Variants in CAMK2D observed in about 807,000 individuals in gnomAD.
CAMK2D encodes the protein calcium/calmodulin dependent protein kinase II delta.
A neutral mutation model predicts 84.0 loss-of-function variants in CAMK2D; 37 were observed. The observed-to-expected ratio is 0.44, with a 90% CI of 0.34 to 0.58. The LOEUF (loss-of-function observed/expected upper bound fraction) is 0.58, where lower values mean the gene tolerates loss of function less well. Ranked by LOEUF, CAMK2D falls within the 20% of genes least tolerant of loss-of-function variation. The pLI is 0.02. For missense variants in CAMK2D, 448 were observed against 652.5 expected, an observed-to-expected ratio of 0.69 and a Z score of 3.41; for synonymous variants, 202 against 212.5, an observed-to-expected ratio of 0.95 and a Z score of 0.43.
At chr4:113,489,328 C>T (rs2097797538) in intron 16 of CAMK2D, among the ~76,000 whole-genome samples, 1 of 140,304 alleles carries the variant, frequency 7.1e-6, no homozygotes, top group Admixed American at 7.6e-5. Context: ...TGTGATAGTC[C>T]CCTTCCTGTG....
chr4:113,549,425 T>G lies in CAMK2D; in HGVS notation c.342-1709A>C, dbSNP rs559698727. Among the ~76,000 whole-genome samples, 5 of 151,716 alleles carry G rather than the reference T, an allele frequency of 3.3e-5. No individual in the cohort carries two copies. In the South Asian group the frequency reaches 6.2e-4, roughly 19 times the overall value. On this transcript the variant is annotated intron_variant, in intron 5 of 20. Transcript: ENST00000511664. ...ACAAATTTACAATCCCCTGGAGCAT[T>G]GGTAATTATTAAACCCACTTCCATA... is the stretch of plus-strand genomic sequence containing the variant.
intron 6 of CAMK2D, among the ~76,000 whole-genome samples, chr4:113,538,390 G>A (rs905377697): frequency 1.6e-4 from 25 of 152,160 alleles, no homozygotes; most frequent in South Asian, 2.1e-4. Context: ...TCAGGAAAAG[G>A]AGACTGATTA....
intron 4 of CAMK2D, among the ~76,000 whole-genome samples, chr4:113,581,534 GA>G (rs1403140562): frequency 8.7e-6 from 1 of 115,386 alleles, no homozygotes; most frequent in Non-Finnish European, 1.8e-5. Flanking sequence ...AAAAAAAAAA[GA>G]AAAGAAAAGA....
intron 2 of CAMK2D, among the ~76,000 whole-genome samples, chr4:113,751,169 AG>A (rs1474302228): frequency 6.6e-6 from 1 of 152,210 alleles, no homozygotes; most frequent in Non-Finnish European, 1.5e-5. Flanking sequence ...TGCCATTCAC[AG>A]AGGGGGAAAG....
chr4:113,474,800 C>A (rs2097585878), intron 16 of CAMK2D, among the ~76,000 whole-genome samples: 1 of 152,024 alleles, frequency 6.6e-6, no homozygotes, highest in African/African-American at 2.4e-5. Flanking sequence ...GTGCCTGCCA[C>A]CACACCCAGC....
intron 2 of CAMK2D, among the ~76,000 whole-genome samples, chr4:113,683,676 A>G (rs2099351928): frequency 6.6e-6 from 1 of 152,236 alleles, no homozygotes; most frequent in Non-Finnish European, 1.5e-5. Flanking sequence ...AACATCACAG[A>G]GTCAGAAAAC....
intron 2 of CAMK2D, among the ~76,000 whole-genome samples, chr4:113,712,909 C>T (rs963216440): frequency 4.6e-5 from 7 of 151,896 alleles, no homozygotes; most frequent in African/African-American, 1.7e-4. Flanking sequence ...TTTAGTCTTT[C>T]ACTATACATG....
At chr4:113,645,047 C>G (rs28641059) in intron 3 of CAMK2D, among the ~76,000 whole-genome samples, 16,912 of 152,098 alleles carry the variant, frequency 0.11, 1,236 homozygotes, top group East Asian at 0.21. Flanking sequence ...GACGGACTCT[C>G]GCTCTGTCGC....
chr4:113,557,479 C>T (rs546492876), intron 4 of CAMK2D, among the ~76,000 whole-genome samples: 1 of 152,308 alleles, frequency 6.6e-6, no homozygotes, highest in Non-Finnish European at 1.5e-5. Flanking sequence ...TGTCTCTCTT[C>T]CGGGAATTCC....
rs1399867833 is a variant in CAMK2D at position 113,720,758 on chromosome 4, C to A, written c.160+38562G>T. Among the ~76,000 whole-genome samples the A allele has an allele frequency of 2.0e-5, 3 of 151,836 alleles. No individual in the cohort carries two copies. In the East Asian group the frequency reaches 5.8e-4, roughly 29 times the overall value. On this transcript the variant is annotated intron_variant, in intron 2 of 20. Transcript: ENST00000511664. Reference sequence around the variant, plus strand: ...TTCAAGCAGAACCAAGTAATCCCAGCAAATATACTGACTTCAAAATAACTG... The same window carrying A: ...TTCAAGCAGAACCAAGTAATCCCAGAAAATATACTGACTTCAAAATAACTG...
intron 2 of CAMK2D, among the ~76,000 whole-genome samples, chr4:113,695,177 C>G (rs1186911176): frequency 1.3e-5 from 2 of 152,180 alleles, no homozygotes; most frequent in African/African-American, 4.8e-5. Context: ...TCAATACTAA[C>G]TTCTGCCTTG....
At chr4:113,633,239 T>G (rs2099097254) in intron 3 of CAMK2D, among the ~76,000 whole-genome samples, 1 of 152,238 alleles carries the variant, frequency 6.6e-6, no homozygotes, top group Non-Finnish European at 1.5e-5. Context: ...TCTGCCATTT[T>G]TATGCACAAT....
chr4:113,531,124 A>G, intron 8 of CAMK2D, 92 bp downstream of exon 8: 1 of 706,388 alleles, frequency 1.4e-6, no homozygotes, highest in South Asian at 1.6e-5. Context: ...TTGTTATTTA[A>G]CCCACTTGGT....
intron 3 of CAMK2D, among the ~76,000 whole-genome samples, chr4:113,658,590 A>G (rs1197375357): frequency 6.6e-6 from 1 of 152,126 alleles, no homozygotes; most frequent in Non-Finnish European, 1.5e-5. Context: ...CTCAACAATT[A>G]TCACCATCTA....
intron 2 of CAMK2D, among the ~76,000 whole-genome samples, chr4:113,731,625 C>A (rs2099569213): frequency 6.8e-6 from 1 of 147,916 alleles, no homozygotes; most frequent in South Asian, 2.1e-4. Context: ...TCACTCTGTC[C>A]TCCAGGCTGG....
intron 2 of CAMK2D, chr4:113,754,678 A>C: frequency 1.0e-6 from 1 of 959,088 alleles, no homozygotes; most frequent in South Asian, 4.8e-5. Context: ...AAGTGTGGAT[A>C]TACTTTTTTT....
At chr4:113,467,112 A>G (rs1183575665) in intron 16 of CAMK2D, among the ~76,000 whole-genome samples, 2 of 152,226 alleles carry the variant, frequency 1.3e-5, no homozygotes, top group East Asian at 3.8e-4. Flanking sequence ...TATTTTAGAA[A>G]TCAAATTTTA....
At chr4:113,659,411 T>C (rs1046218022) in intron 3 of CAMK2D, among the ~76,000 whole-genome samples, 4 of 152,236 alleles carry the variant, frequency 2.6e-5, no homozygotes, top group Non-Finnish European at 2.9e-5. Flanking sequence ...CTAATCCTGA[T>C]AGCACACTTC....
intron 2 of CAMK2D, chr4:113,754,394 A>G: frequency 1.0e-6 from 1 of 975,696 alleles, no homozygotes; most frequent in Non-Finnish European, 1.2e-6. Context: ...GCCCAAGAAA[A>G]GCCCAGTACA....
Sources: allele counts gnomAD v4.1 joint callset (sites outside exome capture counted in the v4.1 genomes callset), GRCh38; gene constraint gnomAD v4.1.1; transcripts MANE v1.5; gene names NCBI Gene and HGNC (gene_info 2026-07-23, HGNC 2026-07-21).